Variants in PGM5 observed in about 807,000 individuals in gnomAD.
PGM5 encodes phosphoglucomutase 5.
Under a neutral mutation model 59.2 loss-of-function variants are expected in PGM5, and 23 were observed. That is an observed-to-expected ratio of 0.39 (90% CI 0.28 to 0.55). The LOEUF is 0.55. Among genes scored for constraint, PGM5 ranks in the 20% least tolerant of loss-of-function variants. PGM5 has a pLI of 0.66. For missense variants in PGM5, 574 were observed against 748.3 expected, an observed-to-expected ratio of 0.77 and a Z score of 2.72; for synonymous variants, 214 against 286.0, an observed-to-expected ratio of 0.75 and a Z score of 2.54.
intron 6 of PGM5, among the ~76,000 whole-genome samples, chr9:68,418,098 C>T (rs971197413): frequency 6.6e-6 from 1 of 152,234 alleles, no homozygotes; most frequent in Non-Finnish European, 1.5e-5. Flanking sequence ...GGGCCATTCT[C>T]TCCACTTTGT....
intron 1 of PGM5, chr9:68,371,523 G>C (rs1426988907): frequency 6.6e-6 from 1 of 152,132 alleles, no homozygotes; most frequent in Non-Finnish European, 1.5e-5. Context: ...AGAATAATTT[G>C]TGTCATGGTT....
In PGM5 at chr9:68,437,955, G is replaced by A. The variant is rs1039774706; in HGVS notation, c.1044-27138G>A. Among the ~76,000 whole-genome samples, 1 of 151,988 alleles carries A rather than the reference G, an allele frequency of 6.6e-6. No homozygotes were observed. Among genetic ancestry groups the A allele is most frequent in the African/African-American group, 2.4e-5 (1 of 41,360 alleles). On this transcript the variant is annotated intron_variant, in intron 6 of 10. Coordinates refer to ENST00000396396, the MANE Select transcript of PGM5 (RefSeq NM_021965.4). This position sits in a 1 kb window ranked among gnomAD's most constrained non-coding sequence, Gnocchi z 4.1. ...AGCTGGCTGCTTTACCACACATCACGTGCTTGGCTCATGGAGACATTTACT... is the reference window on the plus strand; with the variant it reads ...AGCTGGCTGCTTTACCACACATCACATGCTTGGCTCATGGAGACATTTACT...
At chr9:68,365,645 AC>A (rs1834665087) in intron 1 of PGM5, among the ~76,000 whole-genome samples, 1 of 152,192 alleles carries the variant, frequency 6.6e-6, no homozygotes, top group African/African-American at 2.4e-5. Flanking sequence ...GAAGCATTTG[AC>A]TTTTACTTTC....
At chr9:68,391,373 G>A (rs1364579760) in intron 4 of PGM5, among the ~76,000 whole-genome samples, 161 bp from the exon 5 acceptor site, 3 of 151,748 alleles carry the variant, frequency 2.0e-5, no homozygotes, top group Admixed American at 6.6e-5. Flanking sequence ...TCAATAAATA[G>A]TAGTTCAAGC....
At chr9:68,382,162 T>C (rs1554678372) in intron 2 of PGM5, among the ~76,000 whole-genome samples, 1 of 151,560 alleles carries the variant, frequency 6.6e-6, no homozygotes, top group East Asian at 1.9e-4. Context: ...GATACTGGCA[T>C]AAAAACAGAA....
At chr9:68,381,014 A>T (rs1822059171) in intron 2 of PGM5, among the ~76,000 whole-genome samples, 1 of 151,972 alleles carries the variant, frequency 6.6e-6, no homozygotes, top group Non-Finnish European at 1.5e-5. Flanking sequence ...TCAAAGAATA[A>T]TTATTACCAA....
At chr9:68,386,971 C>T (rs1294961726) in intron 3 of PGM5, among the ~76,000 whole-genome samples, 1 of 151,670 alleles carries the variant, frequency 6.6e-6, no homozygotes, top group African/African-American at 2.4e-5. Flanking sequence ...ATTCTGCACT[C>T]GAATCTGGTA....
intron 9 of PGM5, among the ~76,000 whole-genome samples, chr9:68,493,004 C>A (rs1169713839): frequency 6.6e-6 from 1 of 152,180 alleles, no homozygotes; most frequent in Non-Finnish European, 1.5e-5. Flanking sequence ...GCTGTCCTGT[C>A]TCCAGGTTCA....
chr9:68,472,603 G>A (rs1554686340), intron 7 of PGM5, among the ~76,000 whole-genome samples: 1 of 152,194 alleles, frequency 6.6e-6, no homozygotes. Context: ...GCTACCCTTA[G>A]TGAGGAGCAA....
At chr9:68,421,805 T>C (rs1310618007) in intron 6 of PGM5, among the ~76,000 whole-genome samples, 2 of 151,952 alleles carry the variant, frequency 1.3e-5, no homozygotes, top group African/African-American at 4.8e-5. Flanking sequence ...GATGCTTACT[T>C]TGTAGATGGA....
intron 10 of PGM5, among the ~76,000 whole-genome samples, chr9:68,508,536 C>T (rs1249729349): frequency 1.3e-5 from 2 of 152,070 alleles, no homozygotes; most frequent in African/African-American, 4.8e-5. Flanking sequence ...TGTTTTGGTG[C>T]CAGTTTTACC....
intron 1 of PGM5, among the ~76,000 whole-genome samples, chr9:68,375,448 A>T (rs1821854637): frequency 6.6e-6 from 1 of 152,242 alleles, no homozygotes; most frequent in Non-Finnish European, 1.5e-5. Context: ...TGTTGGCTTT[A>T]GCCTAGTCCA....
At chr9:68,413,461 C>T (rs1208735240) in intron 6 of PGM5, among the ~76,000 whole-genome samples, 1 of 152,164 alleles carries the variant, frequency 6.6e-6, no homozygotes, top group Admixed American at 6.5e-5. Context: ...TATCCACTAC[C>T]CCTAAGGTAT....
intron 7 of PGM5, among the ~76,000 whole-genome samples, chr9:68,474,426 G>A (rs925266160): frequency 1.3e-5 from 2 of 152,120 alleles, no homozygotes; most frequent in South Asian, 4.1e-4. Context: ...AGATGATTGA[G>A]CATTCTCTTT....
At chr9:68,418,318 A>G (rs898779349) in intron 6 of PGM5, among the ~76,000 whole-genome samples, 1 of 152,144 alleles carries the variant, frequency 6.6e-6, no homozygotes, top group Non-Finnish European at 1.5e-5. Context: ...AATTAGCCCC[A>G]TGGGGTTTCT....
intron 9 of PGM5, among the ~76,000 whole-genome samples, chr9:68,493,828 A>AAG (rs1195867493): frequency 2.0e-4 from 30 of 152,336 alleles, no homozygotes; most frequent in African/African-American, 6.7e-4. Flanking sequence ...CAGGGAGAAA[A>AAG]AGAGATGCTA....
At chr9:68,522,130 C>G (rs370522566) in intron 10 of PGM5, among the ~76,000 whole-genome samples, 2 of 152,112 alleles carry the variant, frequency 1.3e-5, no homozygotes, top group African/African-American at 4.8e-5. Flanking sequence ...TGGTGTGCAC[C>G]TGTAATCCCA....
intron 8 of PGM5, among the ~76,000 whole-genome samples, chr9:68,481,162 C>A (rs912655661): frequency 6.6e-6 from 1 of 152,182 alleles, no homozygotes; most frequent in East Asian, 1.9e-4. Context: ...GTGATTATTT[C>A]TTCTGTTAAG....
At chr9:68,466,907 C>T (rs1264789523) in intron 7 of PGM5, among the ~76,000 whole-genome samples, 3 of 152,182 alleles carry the variant, frequency 2.0e-5, no homozygotes, top group Non-Finnish European at 2.9e-5. Context: ...GGATTCTGAG[C>T]ACAAGTTTTC....
Sources: allele counts gnomAD v4.1 joint callset (sites outside exome capture counted in the v4.1 genomes callset), GRCh38; gene constraint gnomAD v4.1.1; non-coding constraint Gnocchi (gnomAD v3.1); transcripts MANE v1.5; gene names NCBI Gene and HGNC (gene_info 2026-07-23, HGNC 2026-07-21).